Variants in PDE3B observed in about 807,000 individuals in gnomAD.
PDE3B encodes cGMP-inhibited 3',5'-cyclic phosphodiesterase 3B.
Under a neutral mutation model 116.8 loss-of-function variants are expected in PDE3B, and 66 were observed. That is an observed-to-expected ratio of 0.56 (90% CI 0.46 to 0.69). The LOEUF (loss-of-function observed/expected upper bound fraction) is 0.69. PDE3B is among the 30% of genes least tolerant of loss of function. PDE3B has a pLI of 0.00. For missense variants in PDE3B, 1,384 were observed against 1,368.1 expected (o/e 1.01, Z -0.18); for synonymous variants, 595 against 533.6 (o/e 1.12, Z -1.59).
At chr11:14,801,729 C>G (rs1858772208) in intron 4 of PDE3B, among the ~76,000 whole-genome samples, 1 of 152,144 alleles carries the variant, frequency 6.6e-6, no homozygotes, top group African/African-American at 2.4e-5. Flanking sequence ...TGAAGCTGCA[C>G]CCGTAGCCAC....
At chr11:14,732,973 A>T (rs113030189) in intron 1 of PDE3B, among the ~76,000 whole-genome samples, 1 of 152,206 alleles carries the variant, frequency 6.6e-6, no homozygotes, top group Non-Finnish European at 1.5e-5. Context: ...TGAGATTGCT[A>T]TTTTAATTTT....
chr11:14,892,372 T>G, the PDE3B span: 56 of 663,704 alleles, frequency 8.4e-5, 1 homozygote, highest in Non-Finnish European at 1.3e-4. Context: ...TACCTTCTAG[T>G]TTTGCGCGGC....
At chr11:14,700,377 A>AGAG (rs1855329113) in intron 1 of PDE3B, among the ~76,000 whole-genome samples, 1 of 151,792 alleles carries the variant, frequency 6.6e-6, no homozygotes, top group Non-Finnish European at 1.5e-5. Context: ...AGATAGAAAA[A>AGAG]GAGGAAGTTG....
chr11:14,689,342 CT>C (rs985022788), intron 1 of PDE3B, among the ~76,000 whole-genome samples: 2 of 151,818 alleles, frequency 1.3e-5, no homozygotes, highest in African/African-American at 4.8e-5. Flanking sequence ...AGACTAGGAG[CT>C]TGGAAAGAGA....
At chr11:14,892,092 G>A in the PDE3B span, 1 of 1,611,662 alleles carries the variant, frequency 6.2e-7, no homozygotes, top group Middle Eastern at 1.8e-4. Context: ...CCGGGGGGAA[G>A]CCCATCGGCC....
chr11:14,831,542 C>T, intron 8 of PDE3B, 98 bp from the exon 9 acceptor site: 1 of 668,968 alleles, frequency 1.5e-6, no homozygotes, highest in Non-Finnish European at 2.3e-6. Flanking sequence ...ATAGTACTGA[C>T]TTTTTTAAAT....
At chr11:14,793,862 A>G (rs1441865368) in intron 4 of PDE3B, among the ~76,000 whole-genome samples, 2 of 152,220 alleles carry the variant, frequency 1.3e-5, no homozygotes, top group African/African-American at 4.8e-5. Flanking sequence ...GACTTACACC[A>G]AGGTTATATT....
intron 1 of PDE3B, among the ~76,000 whole-genome samples, chr11:14,693,500 A>G (rs1311714684): frequency 6.6e-6 from 1 of 152,188 alleles, no homozygotes; most frequent in Non-Finnish European, 1.5e-5. Flanking sequence ...GCCAGTGCTC[A>G]TTTCCCATTC....
the PDE3B span, chr11:14,892,024 A>G: frequency 1.2e-6 from 2 of 1,613,310 alleles, no homozygotes; most frequent in Non-Finnish European, 1.7e-6. Flanking sequence ...GACATGGGGA[A>G]GCTCGGATGA....
At chr11:14,646,486 G>A (rs947126167) in intron 1 of PDE3B, among the ~76,000 whole-genome samples, 1 of 152,060 alleles carries the variant, frequency 6.6e-6, no homozygotes, top group African/African-American at 2.4e-5. Flanking sequence ...AATGTGTGTC[G>A]GGAGAAAAAT....
At chr11:14,831,848 A>C (rs1300959462) in intron 9 of PDE3B, 71 bp downstream of exon 9, 2 of 1,088,946 alleles carry the variant, frequency 1.8e-6, no homozygotes, top group Non-Finnish European at 2.7e-6. Flanking sequence ...AGCAAAATCT[A>C]ATATGTAATG....
rs1434309476 is a variant in PDE3B at position 14,870,187 on chromosome 11, T to G, written c.*527T>G. 5.9e-5 allele frequency: 9 copies of G among 152,722 alleles called. No homozygotes were observed. Among genetic ancestry groups the G allele is most frequent in the Admixed American group, 5.9e-4 (9 of 15,344 alleles). 9.5% of individuals were successfully genotyped at this position (152,722 alleles called of 1,614,324 possible). A position where few individuals can be genotyped will look rare whatever the true frequency, so the allele number is the denominator to read the frequency against. Reference sequence around the variant, plus strand: ...GGGATTTCTGCTCAATGCAATACACTGTTCAGTGCTATTCTCCCAGCTAGG... The same window carrying G: ...GGGATTTCTGCTCAATGCAATACACGGTTCAGTGCTATTCTCCCAGCTAGG... On this transcript the variant is annotated 3_prime_UTR_variant, in exon 16 of 16. Coordinates refer to ENST00000282096, the MANE Select transcript of PDE3B (RefSeq NM_000922.4). This position sits in a 1 kb window ranked among gnomAD's most constrained non-coding sequence, Gnocchi z 4.1.
At chr11:14,652,139 T>C (rs1409191654) in intron 1 of PDE3B, among the ~76,000 whole-genome samples, 1 of 152,206 alleles carries the variant, frequency 6.6e-6, no homozygotes, top group Non-Finnish European at 1.5e-5. Context: ...AATTTTTGTA[T>C]ACAAAATTTT....
At chr11:14,775,175 A>G (rs1180036256) in intron 2 of PDE3B, 1 of 152,076 alleles carries the variant, frequency 6.6e-6, no homozygotes, top group East Asian at 1.9e-4. Flanking sequence ...TACTCATATT[A>G]CTTAGCTTGG....
rs572298413 is a variant in PDE3B, at chr11:14,800,336, G to A, written c.1416-3608G>A. On this transcript the variant is annotated intron_variant, in intron 4 of 15. Coordinates refer to ENST00000282096, the MANE Select transcript of PDE3B (RefSeq NM_000922.4). ...AAAAGTTAGCTGGGCGTGGTGGTGC[G>A]CGCCTGTAATCGCAACTACTCAGGA... is the stretch of plus-strand genomic sequence containing the variant. 2.4e-4 allele frequency among the ~76,000 whole-genome samples: 36 copies of A among 152,174 alleles called. 1 individual carries two copies. The East Asian group carries it at 3.3e-3, about 14-fold the overall frequency.
intron 1 of PDE3B, among the ~76,000 whole-genome samples, chr11:14,662,671 T>C (rs1249401331): frequency 2.0e-5 from 3 of 152,092 alleles, no homozygotes; most frequent in Non-Finnish European, 4.4e-5. Context: ...GCAGAAGCCT[T>C]AGGAGCTGAT....
In PDE3B at chr11:14,813,096, G is replaced by A. The variant is rs868540346; in HGVS notation, c.1523-5087G>A. On this transcript the variant is annotated intron_variant, in intron 5 of 15. Transcript: ENST00000282096. ...CTTGCACTTCCCAGCCTCCAGAACT[G>A]TGAGAATAAATTTCTCTTATTTATA... 4.6e-5 allele frequency among the ~76,000 whole-genome samples: 7 copies of A among 152,286 alleles called. No homozygotes were observed. In the Middle Eastern group the frequency reaches 0.017, roughly 370 times the overall value.
At chr11:14,860,303 A>G (rs1242221083) in intron 13 of PDE3B, among the ~76,000 whole-genome samples, 1 of 152,098 alleles carries the variant, frequency 6.6e-6, no homozygotes, top group East Asian at 1.9e-4. Context: ...ATGGGGCTCT[A>G]GACTTCCTAT....
At chr11:14,850,264 C>A (rs994652071) in intron 12 of PDE3B, among the ~76,000 whole-genome samples, 2 of 151,614 alleles carry the variant, frequency 1.3e-5, no homozygotes, top group African/African-American at 2.4e-5. Context: ...CGCATATTCT[C>A]AGTCATAGGT....
Sources: allele counts gnomAD v4.1 joint callset (sites outside exome capture counted in the v4.1 genomes callset), GRCh38; gene constraint gnomAD v4.1.1; non-coding constraint Gnocchi (gnomAD v3.1); transcripts MANE v1.5; gene names NCBI Gene and HGNC (gene_info 2026-07-23, HGNC 2026-07-21).